The following ZBTB20 variants were observed in gnomAD, a reference collection of about 807,000 sequenced individuals.
ZBTB20 encodes zinc finger and BTB domain containing 20, also known as zinc finger and BTB domain-containing protein 20.
In ZBTB20, 9 loss-of-function variants were observed where a neutral mutation model predicts 56.9. The ratio of observed to expected loss-of-function variants is 0.16; its 90% confidence interval spans 0.10 to 0.28. The LOEUF (loss-of-function observed/expected upper bound fraction) is 0.28, where lower values mean the gene tolerates loss of function less well. ZBTB20 is among the 10% of genes least tolerant of loss of function. The probability of loss-of-function intolerance (pLI) is 1.00; values close to 1 mark genes in which losing one functional copy is unlikely to be tolerated. For synonymous variants in ZBTB20, 417 were observed against 420.7 expected, an observed-to-expected ratio of 0.99 and a Z score of 0.11; for missense variants, 655 against 1,003.0, an observed-to-expected ratio of 0.65 and a Z score of 4.69.
chr3:114,626,452 T>TATCAA (rs1282777025), intron 6 of ZBTB20, among the ~76,000 whole-genome samples: 1 of 152,194 alleles, frequency 6.6e-6, no homozygotes, highest in African/African-American at 2.4e-5. Flanking sequence ...ATTATTTGAT[T>TATCAA]ATCATATCAT....
chr3:114,951,972 A>T (rs1007985230), intron 3 of ZBTB20, among the ~76,000 whole-genome samples: 1 of 152,114 alleles, frequency 6.6e-6, no homozygotes, highest in Non-Finnish European at 1.5e-5. Flanking sequence ...CAACAAAATA[A>T]AGATAATACA....
chr3:115,070,705 C>T (rs2082378978), intron 2 of ZBTB20, among the ~76,000 whole-genome samples: 1 of 151,972 alleles, frequency 6.6e-6, no homozygotes, highest in Admixed American at 6.6e-5. Context: ...TTGTAGGAGA[C>T]TTCTTCACTG....
intron 2 of ZBTB20, among the ~76,000 whole-genome samples, chr3:115,017,370 G>A (rs2080012774): frequency 6.6e-6 from 1 of 151,626 alleles, no homozygotes; most frequent in African/African-American, 2.4e-5. Context: ...ACTCCTCATG[G>A]AAAACTAGAA....
intron 6 of ZBTB20, among the ~76,000 whole-genome samples, chr3:114,665,452 C>G (rs1452135821): frequency 6.6e-6 from 1 of 151,932 alleles, no homozygotes. Flanking sequence ...TCCCCATCAT[C>G]AAGTGATGCA....
chr3:114,484,823 G>GCA (rs1377783258), intron 7 of ZBTB20, among the ~76,000 whole-genome samples: 1 of 150,962 alleles, frequency 6.6e-6, no homozygotes, highest in East Asian at 1.9e-4. Flanking sequence ...GTGTGTGCGC[G>GCA]TGCATGTGTG....
At chr3:114,656,908 T>G (rs1357944090) in intron 6 of ZBTB20, among the ~76,000 whole-genome samples, 1 of 152,122 alleles carries the variant, frequency 6.6e-6, no homozygotes, top group Non-Finnish European at 1.5e-5. Flanking sequence ...CCACCACATC[T>G]GGTGGATTAT....
At chr3:114,857,895 G>C (rs2075324108) in intron 4 of ZBTB20, among the ~76,000 whole-genome samples, 1 of 152,134 alleles carries the variant, frequency 6.6e-6, no homozygotes, top group African/African-American at 2.4e-5. Flanking sequence ...GTGGTGCTAG[G>C]CCAATCCCTT....
intron 5 of ZBTB20, among the ~76,000 whole-genome samples, chr3:114,718,492 C>T (rs2064669937): frequency 3.3e-5 from 5 of 152,014 alleles, no homozygotes; most frequent in Admixed American, 3.3e-4. Context: ...AGTACCTGAA[C>T]ACAGGGATTG....
intron 7 of ZBTB20, among the ~76,000 whole-genome samples, chr3:114,396,126 C>T (rs975961262): frequency 1.3e-5 from 2 of 152,134 alleles, no homozygotes; most frequent in Admixed American, 1.3e-4. Context: ...GAAAGCCTGC[C>T]ACAGGTCATG....
chr3:115,027,681 T>C (rs979062138), intron 2 of ZBTB20: 1 of 150,864 alleles, frequency 6.6e-6, no homozygotes, highest in Non-Finnish European at 1.5e-5. Context: ...ATATACAAAA[T>C]AAAGAATAAG....
At chr3:114,682,974 C>A (rs1305608771) in intron 6 of ZBTB20, among the ~76,000 whole-genome samples, 1 of 152,118 alleles carries the variant, frequency 6.6e-6, no homozygotes, top group Admixed American at 6.5e-5. Flanking sequence ...GGAACAAATT[C>A]TGTAGTTGTC....
intron 10 of ZBTB20, among the ~76,000 whole-genome samples, chr3:114,361,564 G>A (rs1335971092): frequency 6.6e-6 from 1 of 152,140 alleles, no homozygotes; most frequent in African/African-American, 2.4e-5. Context: ...GGGAGTTGTG[G>A]TTTCAGAGCC....
intron 5 of ZBTB20, among the ~76,000 whole-genome samples, chr3:114,782,029 G>T (rs376185432): frequency 1.3e-5 from 2 of 152,266 alleles, no homozygotes; most frequent in South Asian, 2.1e-4. Flanking sequence ...AGAAAATGGG[G>T]GAGCAGAAGA....
chr3:114,737,266 T>G (rs566597521), intron 5 of ZBTB20, among the ~76,000 whole-genome samples: 1 of 152,306 alleles, frequency 6.6e-6, no homozygotes, highest in South Asian at 2.1e-4. Flanking sequence ...TTTGAAAATT[T>G]GGTTTACTGT....
intron 3 of ZBTB20, among the ~76,000 whole-genome samples, chr3:114,902,029 C>A (rs561538401): frequency 2.6e-5 from 4 of 152,180 alleles, no homozygotes; most frequent in East Asian, 1.9e-4. Flanking sequence ...ATAAATGTAA[C>A]CTTCCTAAGA....
intron 1 of ZBTB20, among the ~76,000 whole-genome samples, chr3:115,110,966 G>C (rs1007214705): frequency 6.7e-6 from 1 of 150,232 alleles, no homozygotes; most frequent in Non-Finnish European, 1.5e-5. Flanking sequence ...CTCCAGCTTC[G>C]GCAACAGAGT....
intron 7 of ZBTB20, among the ~76,000 whole-genome samples, chr3:114,481,116 A>G (rs2041490036): frequency 6.6e-6 from 1 of 152,112 alleles, no homozygotes; most frequent in South Asian, 2.1e-4. Flanking sequence ...AGTTTGGCCA[A>G]TATAGAGATA....
intron 1 of ZBTB20, among the ~76,000 whole-genome samples, chr3:115,108,649 T>C (rs767842469): frequency 1.3e-5 from 2 of 152,044 alleles, no homozygotes; most frequent in Non-Finnish European, 2.9e-5. Context: ...AATGAAAAAA[T>C]GAAGTTATTG....
At chr3:114,661,585 T>C (rs1384429154) in intron 6 of ZBTB20, among the ~76,000 whole-genome samples, 1 of 152,190 alleles carries the variant, frequency 6.6e-6, no homozygotes, top group Non-Finnish European at 1.5e-5. Flanking sequence ...TTTGGCTTCT[T>C]ATCCTCAAAT....
Sources: allele counts gnomAD v4.1 joint callset (sites outside exome capture counted in the v4.1 genomes callset), GRCh38; gene constraint gnomAD v4.1.1; transcripts MANE v1.5; gene names NCBI Gene and HGNC (gene_info 2026-07-23, HGNC 2026-07-21).